The following ANGEL1 variants were observed in gnomAD, a reference collection of about 807,000 sequenced individuals.
ANGEL1 encodes the protein angel homolog 1.
Under a neutral mutation model 76.4 loss-of-function variants are expected in ANGEL1, and 62 were observed. The ratio of observed to expected loss-of-function variants is 0.81; its 90% CI spans 0.66 to 1.00. The LOEUF is 1.00. Among genes scored for constraint, ANGEL1 ranks in the 50% least tolerant of loss-of-function variants. ANGEL1 has a pLI of 0.00. For synonymous variants in ANGEL1, 340 were observed against 331.7 expected, an observed-to-expected ratio of 1.03 and a Z score of -0.27; for missense variants, 737 against 836.7, an observed-to-expected ratio of 0.88 and a Z score of 1.47.
At chr14:76,793,013 C>G (rs1422320062) in intron 7 of ANGEL1, among the ~76,000 whole-genome samples, 4 of 152,030 alleles carry the variant, frequency 2.6e-5, no homozygotes, top group African/African-American at 9.7e-5. Context: ...CACTAAGAAA[C>G]TATTAGAACT....
rs913512107 is a variant in ANGEL1 at position 76,787,886 on chromosome 14, C to A, written c.*1342G>T. Reference sequence around the variant, plus strand: ...GAAAGATTAAGGCATGCAGGTGACACAGTGTGGACTAAGGAGTCCCCTGAA... The same window carrying A: ...GAAAGATTAAGGCATGCAGGTGACAAAGTGTGGACTAAGGAGTCCCCTGAA... On this transcript the variant is annotated 3_prime_UTR_variant, in exon 10 of 10. Coordinates refer to ENST00000251089, the MANE Select transcript of ANGEL1 (RefSeq NM_015305.4). 6.6e-6 allele frequency: 1 copy of A among 152,648 alleles called. No homozygotes were observed. The highest frequency in any genetic ancestry group is 2.4e-5 in the African/African-American group (1 of 41,460). 9.5% of individuals were successfully genotyped at this position (152,648 alleles called of 1,614,324 possible).
chr14:76,805,104 G>A (rs933829129), intron 5 of ANGEL1, among the ~76,000 whole-genome samples: 1 of 151,952 alleles, frequency 6.6e-6, no homozygotes, highest in Non-Finnish European at 1.5e-5. Flanking sequence ...AATCACTACC[G>A]GTTACTGACT....
At chr14:76,794,000 G>A (rs563679307) in intron 7 of ANGEL1, among the ~76,000 whole-genome samples, 7 of 152,150 alleles carry the variant, frequency 4.6e-5, no homozygotes, top group East Asian at 1.9e-4. Context: ...CTGAGAAGGC[G>A]GACTACTATA....
At chr14:76,792,610 C>T (rs1023885622) in intron 7 of ANGEL1, among the ~76,000 whole-genome samples, 9 of 151,964 alleles carry the variant, frequency 5.9e-5, no homozygotes, top group Non-Finnish European at 1.0e-4. Flanking sequence ...TGTGATATGT[C>T]GCAATAGAAT....
rs116331804 is a variant in ANGEL1 at position 76,810,717 on chromosome 14, C to T, written c.65-1074G>A. 3.3e-3 allele frequency among the ~76,000 whole-genome samples: 497 copies of T among 152,290 alleles called. 2 individuals carry two copies. Among genetic ancestry groups the T allele is most frequent in the African/African-American group, 0.012 (482 of 41,550 alleles). On this transcript the variant is annotated intron_variant, in intron 1 of 9. Transcript: ENST00000251089. Reference sequence around the variant, plus strand: ...CTATAAATTACAAGGTGCCAACAATCGACAGTAAGAGACAGCTGACATCTC... The same window carrying T: ...CTATAAATTACAAGGTGCCAACAATTGACAGTAAGAGACAGCTGACATCTC...
At chr14:76,812,217 T>A (rs1276242128) in intron 1 of ANGEL1, 1 of 983,452 alleles carries the variant, frequency 1.0e-6, no homozygotes, top group Non-Finnish European at 1.2e-6. Flanking sequence ...GATCTAAATG[T>A]GTCTCTGATT....
rs892174920 is a variant in ANGEL1, at chr14:76,787,066, G to T, written c.*2162C>A. The T allele has an allele frequency of 1.3e-5, 2 of 152,124 alleles. No individual in the cohort carries two copies. Among genetic ancestry groups the T allele is most frequent in the African/African-American group, 4.8e-5 (2 of 41,390 alleles). The allele number at this position is 152,124 out of a possible 1,614,324, so 9.4% of individuals were successfully genotyped here. A position where few individuals can be genotyped will look rare whatever the true frequency, so the allele number is the denominator to read the frequency against. ...TGTTCCTCCCAGGCCTCACAGCAGT[G>T]GGAATTTACCTCAGCTAATAGAGGG... is the stretch of plus-strand genomic sequence containing the variant. On this transcript the variant is annotated 3_prime_UTR_variant, in exon 10 of 10. Transcript: ENST00000251089.
rs1894377858 is a variant in ANGEL1 at position 76,790,691 on chromosome 14, G to A, written c.1772C>T (p.Thr591Ile). The change falls in exon 9 of 10, where the codon ACT (threonine) becomes ATT (isoleucine). Residue 591 changes from threonine (T) to isoleucine (I), a missense_variant. Thr to Ile is a moderately conservative substitution (Grantham distance 89). Coordinates refer to ENST00000251089, the MANE Select transcript of ANGEL1 (RefSeq NM_015305.4). ...FLPQRGRPEV[T>I]TMPLGLGMTV... is the part of the protein sequence containing the mutation. ...CATTCCAAGACCCAATGGCATTGTA[G>A]TGACCTCTGGGCGGCCACGCTGGGG... 6.2e-7 allele frequency: 1 copy of A among 1,614,076 alleles called. No individual in the cohort carries two copies. The highest frequency in any genetic ancestry group is 1.3e-5 in the African/African-American group (1 of 74,922).
chr14:76,801,895 G>A (rs1418720649), intron 7 of ANGEL1, among the ~76,000 whole-genome samples: 2 of 151,982 alleles, frequency 1.3e-5, no homozygotes, highest in African/African-American at 2.4e-5. Flanking sequence ...GGTGGCTCAC[G>A]CCTGTAATCC....
intron 7 of ANGEL1, among the ~76,000 whole-genome samples, chr14:76,798,390 G>T (rs1024856649): frequency 6.6e-6 from 1 of 152,002 alleles, no homozygotes; most frequent in African/African-American, 2.4e-5. Context: ...GCCTTCCAAA[G>T]TACTGGGATT....
chr14:76,794,435 G>A (rs892275941), intron 7 of ANGEL1, among the ~76,000 whole-genome samples: 9 of 152,086 alleles, frequency 5.9e-5, no homozygotes, highest in African/African-American at 2.2e-4. Flanking sequence ...ACTTTGGAAG[G>A]CTGGGGCGGA....
Position 76,807,922 on chromosome 14 carries a change from A to G in ANGEL1, c.876T>C (p.Asp292=). ...LMQEFQHWDP[D]ILCLQEVQED... ...ATGGCAATTCCCCCTCTTCACTCAC[A>G]TCAGGGTCCCAGTGCTGGAATTCCT... Residue 292 remains aspartate (D), a splice_region_variant and synonymous_variant, in exon 3 of 10, where the codon GAT becomes GAC. Transcript: ENST00000251089. The G allele has an allele frequency of 6.2e-7, 1 of 1,613,720 alleles. No individual in the cohort carries two copies. Among genetic ancestry groups the G allele is most frequent in the Non-Finnish European group, 8.5e-7 (1 of 1,179,992 alleles).
intron 7 of ANGEL1, among the ~76,000 whole-genome samples, chr14:76,800,150 G>C (rs1454069405): frequency 6.6e-6 from 1 of 152,004 alleles, no homozygotes; most frequent in Non-Finnish European, 1.5e-5. Flanking sequence ...TAAAGGTCTT[G>C]GTTTAATTTT....
chr14:76,791,724 CT>C (rs1894411315), intron 7 of ANGEL1, among the ~76,000 whole-genome samples: 1 of 152,218 alleles, frequency 6.6e-6, no homozygotes, highest in African/African-American at 2.4e-5. Context: ...CTCAATTCCC[CT>C]CTCCAGAAGC....
chr14:76,804,303 G>A lies in ANGEL1; in HGVS notation c.1381-391C>T, dbSNP rs111513795. Reference sequence around the variant, plus strand: ...TCATCTTTGGATCTTCTGGATCAAGGTCTAATATCCTGAACCTATTACTGG... The same window carrying A: ...TCATCTTTGGATCTTCTGGATCAAGATCTAATATCCTGAACCTATTACTGG... On this transcript the variant is annotated intron_variant, in intron 5 of 9. Transcript: ENST00000251089. The A allele has an allele frequency of 7.4e-6, 9 of 1,209,294 alleles. No individual in the cohort carries two copies. The African/African-American group carries it at 7.9e-5, about 11-fold the overall frequency. 74.9% of individuals were successfully genotyped at this position (1,209,294 alleles called of 1,614,324 possible).
chr14:76,798,215 T>G (rs1894643713), intron 7 of ANGEL1, among the ~76,000 whole-genome samples: 1 of 151,938 alleles, frequency 6.6e-6, no homozygotes, highest in South Asian at 2.1e-4. Context: ...ACTTCAAACT[T>G]CTGGGCTCAA....
intron 7 of ANGEL1, among the ~76,000 whole-genome samples, chr14:76,800,805 T>C (rs1047216066): frequency 2.6e-5 from 4 of 152,048 alleles, no homozygotes; most frequent in African/African-American, 9.7e-5. Flanking sequence ...ACCCTGTCTC[T>C]ACTAAAAATA....
chr14:76,791,742 T>C (rs1020819684), intron 7 of ANGEL1, among the ~76,000 whole-genome samples: 3 of 152,216 alleles, frequency 2.0e-5, no homozygotes, highest in Non-Finnish European at 4.4e-5. Context: ...AAGCCACCAA[T>C]GTTACCAAAT....
intron 7 of ANGEL1, among the ~76,000 whole-genome samples, chr14:76,803,085 C>T (rs953468701): frequency 1.3e-5 from 2 of 152,208 alleles, no homozygotes; most frequent in African/African-American, 4.8e-5. Flanking sequence ...ATATGCTGTA[C>T]ACATGCTAGT....
Sources: allele counts gnomAD v4.1 joint callset (sites outside exome capture counted in the v4.1 genomes callset), GRCh38; gene constraint gnomAD v4.1.1; transcripts MANE v1.5; gene names NCBI Gene and HGNC (gene_info 2026-07-23, HGNC 2026-07-21).